Variants in EYS observed in about 807,000 individuals in gnomAD.
EYS encodes the protein protein eyes shut homolog.
Under a neutral mutation model 282.1 loss-of-function variants are expected in EYS, and 250 were observed. That is an observed-to-expected ratio of 0.89 (90% CI 0.80 to 0.98). The LOEUF (loss-of-function observed/expected upper bound fraction) is 0.98, where lower values mean the gene tolerates loss of function less well. Ranked by LOEUF, EYS falls within the 50% of genes least tolerant of loss-of-function variation. The probability of loss-of-function intolerance (pLI) is 0.00; values close to 1 mark genes in which losing one functional copy is unlikely to be tolerated. For missense variants in EYS, 4,016 were observed against 3,709.0 expected (o/e 1.08, Z -2.15); for synonymous variants, 1,355 against 1,282.9 (o/e 1.06, Z -1.20).
chr6:64,154,475 G>A (rs114860003), intron 31 of EYS, among the ~76,000 whole-genome samples: 1,644 of 149,900 alleles, frequency 0.011, 30 homozygotes, highest in African/African-American at 0.038. Flanking sequence ...TGCCTCACAG[G>A]GAGTTTCAAC....
intron 28 of EYS, among the ~76,000 whole-genome samples, chr6:64,391,902 A>C (rs1437458401): frequency 6.6e-6 from 1 of 152,180 alleles, no homozygotes; most frequent in Non-Finnish European, 1.5e-5. Context: ...AGAGACACAC[A>C]TAGGCTCAAA....
At chr6:63,949,301 A>G (rs982518484) in intron 35 of EYS, among the ~76,000 whole-genome samples, 2 of 152,258 alleles carry the variant, frequency 1.3e-5, no homozygotes, top group Admixed American at 6.5e-5. Context: ...CACTTACACT[A>G]TCCTACAAGT....
At chr6:65,578,247 T>A (rs115560162) in intron 2 of EYS, among the ~76,000 whole-genome samples, 1 of 150,788 alleles carries the variant, frequency 6.6e-6, no homozygotes. Context: ...TACTTAGCCT[T>A]TAAAAAGAAG....
At chr6:63,967,285 T>A (rs921902876) in intron 35 of EYS, among the ~76,000 whole-genome samples, 1 of 152,232 alleles carries the variant, frequency 6.6e-6, no homozygotes, top group Non-Finnish European at 1.5e-5. Context: ...ACTTATTAAT[T>A]GTTTATTTTT....
intron 31 of EYS, among the ~76,000 whole-genome samples, chr6:64,157,140 G>A (rs1203737133): frequency 2.0e-5 from 3 of 148,002 alleles, no homozygotes; most frequent in East Asian, 2.0e-4. Flanking sequence ...GAGAATATGC[G>A]GTGTTTGGTT....
At chr6:64,440,384 A>G (rs1774899968) in intron 26 of EYS, among the ~76,000 whole-genome samples, 1 of 151,582 alleles carries the variant, frequency 6.6e-6, no homozygotes, top group Admixed American at 6.6e-5. Context: ...GCAAGCCTCA[A>G]ATTAATTTTT....
At chr6:64,887,716 G>A (rs979355875) in intron 18 of EYS, among the ~76,000 whole-genome samples, 3 of 151,990 alleles carry the variant, frequency 2.0e-5, no homozygotes, top group African/African-American at 7.2e-5. Flanking sequence ...TTGAGCGCCA[G>A]ACATTAGTCA....
intron 22 of EYS, among the ~76,000 whole-genome samples, chr6:64,667,620 G>C (rs753965589): frequency 9.2e-5 from 14 of 151,584 alleles, no homozygotes; most frequent in Non-Finnish European, 2.1e-4. Context: ...TTTCTCTAAA[G>C]AGTAGTAGTT....
At chr6:64,938,859 C>T (rs1034138484) in intron 15 of EYS, among the ~76,000 whole-genome samples, 2 of 151,380 alleles carry the variant, frequency 1.3e-5, no homozygotes, top group Non-Finnish European at 3.0e-5. Flanking sequence ...TATGTGTAAC[C>T]CTGTATAGAG....
intron 13 of EYS, among the ~76,000 whole-genome samples, chr6:65,014,861 T>C (rs1771992235): frequency 6.6e-6 from 1 of 152,150 alleles, no homozygotes; most frequent in Non-Finnish European, 1.5e-5. Context: ...TTTGATTAAG[T>C]TGAGGATTTT....
chr6:64,616,094 GAA>G (rs1222670307), intron 24 of EYS, among the ~76,000 whole-genome samples: 5 of 151,942 alleles, frequency 3.3e-5, no homozygotes, highest in African/African-American at 1.2e-4. Flanking sequence ...TTGTTTTTAT[GAA>G]AACATATCAT....
intron 31 of EYS, among the ~76,000 whole-genome samples, chr6:64,220,877 A>G (rs1169740659): frequency 6.6e-6 from 1 of 152,176 alleles, no homozygotes; most frequent in East Asian, 1.9e-4. Flanking sequence ...AACCATGGAC[A>G]AAACACTTAA....
intron 12 of EYS, among the ~76,000 whole-genome samples, chr6:65,127,837 A>T (rs1775764269): frequency 6.6e-6 from 1 of 152,030 alleles, no homozygotes; most frequent in Admixed American, 6.6e-5. Flanking sequence ...TACAGAAAAA[A>T]ATGTGTGTGC....
intron 12 of EYS, among the ~76,000 whole-genome samples, chr6:65,264,332 T>A (rs1194958959): frequency 1.3e-5 from 2 of 152,164 alleles, no homozygotes; most frequent in Non-Finnish European, 2.9e-5. Context: ...AGTTATTCTT[T>A]GTTTTCAAAA....
chr6:65,439,753 T>C (rs77764752), intron 5 of EYS, among the ~76,000 whole-genome samples: 3 of 151,702 alleles, frequency 2.0e-5, no homozygotes, highest in South Asian at 2.1e-4. Context: ...TTTGCTCTTA[T>C]GTGTGTCCTC....
chr6:64,357,835 G>A (rs1194701168), intron 29 of EYS, among the ~76,000 whole-genome samples: 1 of 151,594 alleles, frequency 6.6e-6, no homozygotes, highest in Non-Finnish European at 1.5e-5. Context: ...TGGCAGGTCA[G>A]ATTTTGCCCA....
chr6:64,790,306 T>C lies in EYS; in HGVS notation c.3443+23072A>G, dbSNP rs181038163. Reference sequence around the variant, plus strand: ...ACATCAGCGGCATGCAATTTACCCATGTCATAAACCTGCACATACACCCCC... The same window carrying C: ...ACATCAGCGGCATGCAATTTACCCACGTCATAAACCTGCACATACACCCCC... On this transcript the variant is annotated intron_variant, in intron 22 of 42. Transcript: ENST00000503581. Among the ~76,000 whole-genome samples the C allele has an allele frequency of 5.1e-3, 770 of 151,960 alleles. 19 individuals carry two copies. The highest frequency in any genetic ancestry group is 0.039 in the Admixed American group (589 of 15,248).
chr6:64,242,499 T>C (rs1766868015), intron 30 of EYS, among the ~76,000 whole-genome samples: 1 of 152,132 alleles, frequency 6.6e-6, no homozygotes. Context: ...TATGTTCATA[T>C]TTCCTTTTTG....
intron 22 of EYS, among the ~76,000 whole-genome samples, chr6:64,703,245 A>G (rs1037893420): frequency 1.3e-5 from 2 of 151,566 alleles, no homozygotes; most frequent in African/African-American, 4.8e-5. Flanking sequence ...ACATATAAAC[A>G]TAGCTAAATG....
Sources: allele counts gnomAD v4.1 joint callset (sites outside exome capture counted in the v4.1 genomes callset), GRCh38; gene constraint gnomAD v4.1.1; transcripts MANE v1.5; gene names NCBI Gene and HGNC (gene_info 2026-07-23, HGNC 2026-07-21).